The following NUP214 variants were observed in gnomAD, a reference collection of about 807,000 sequenced individuals.
NUP214 encodes the protein nucleoporin 214.
In NUP214, 79 loss-of-function variants were observed where a neutral mutation model predicts 196.2. The observed-to-expected ratio is 0.40, with a 90% CI of 0.34 to 0.49. The LOEUF is 0.49. Among genes scored for constraint, NUP214 ranks in the 20% least tolerant of loss-of-function variants. The probability of loss-of-function intolerance (pLI) is 0.58; values close to 1 mark genes in which losing one functional copy is unlikely to be tolerated. For synonymous variants in NUP214, 1,020 were observed against 990.5 expected, an observed-to-expected ratio of 1.03 and a Z score of -0.56; for missense variants, 2,468 against 2,539.0, an observed-to-expected ratio of 0.97 and a Z score of 0.60.
intron 30 of NUP214, among the ~76,000 whole-genome samples, chr9:131,206,826 G>T (rs1834101058): frequency 6.6e-6 from 1 of 152,168 alleles, no homozygotes; most frequent in Non-Finnish European, 1.5e-5. Flanking sequence ...TTGAGCCAAA[G>T]AAATAGAAAA....
At chr9:131,226,974 G>A (rs536329230) in intron 32 of NUP214, among the ~76,000 whole-genome samples, 5 of 152,254 alleles carry the variant, frequency 3.3e-5, no homozygotes, top group East Asian at 1.9e-4. Flanking sequence ...AAGGCTTGTC[G>A]CTAGGCCACC....
rs573926673 is a variant in NUP214 at position 131,143,430 on chromosome 9, G to GT, written c.1295-844dup. On this transcript the variant is annotated intron_variant, in intron 11 of 35. Coordinates refer to ENST00000359428, the MANE Select transcript of NUP214 (RefSeq NM_005085.4). ...GAAATTACTGGGTCTGTTTTTTACA[G>GT]TTTTTTATACAATGCCAAAATGTTT... is the stretch of plus-strand genomic sequence containing the variant. Among the ~76,000 whole-genome samples, 376 of 151,778 alleles carry GT rather than the reference G, an allele frequency of 2.5e-3. 3 individuals are homozygous for GT. The highest frequency in any genetic ancestry group is 8.7e-3 in the African/African-American group (360 of 41,374).
chr9:131,184,220 G>A (rs1433530272), intron 24 of NUP214, among the ~76,000 whole-genome samples: 1 of 150,998 alleles, frequency 6.6e-6, no homozygotes, highest in Non-Finnish European at 1.5e-5. Context: ...TAGTAGAGAC[G>A]GGGTTTAACC....
intron 13 of NUP214, among the ~76,000 whole-genome samples, chr9:131,147,202 G>A (rs1180646093): frequency 6.6e-6 from 1 of 151,512 alleles, no homozygotes; most frequent in South Asian, 2.1e-4. Context: ...TGCTCAGGCT[G>A]GTCTCAAACT....
At chr9:131,163,380 G>A in intron 19 of NUP214, 3 of 541,284 alleles carry the variant, frequency 5.5e-6, no homozygotes, top group East Asian at 6.2e-5. Flanking sequence ...TTGTTGGAGA[G>A]TTAAATTAAG....
intron 30 of NUP214, among the ~76,000 whole-genome samples, chr9:131,205,748 G>A (rs1462050375): frequency 6.6e-6 from 1 of 152,102 alleles, no homozygotes; most frequent in East Asian, 1.9e-4. Context: ...AGGCTGGAGT[G>A]TGGTGGCATG....
Position 131,174,289 on chromosome 9 carries a change from G to T in NUP214, c.3128G>T (p.Gly1043Val), listed in dbSNP as rs1180660422. Residue 1043 changes from glycine to valine, a missense_variant, in exon 22 of 36, where the codon GGT (glycine) becomes GTT (valine). This residue lies in a region of NUP214 where 1,801 missense variants were observed against 1,779.4 expected (regional missense o/e 1.01). Transcript: ENST00000359428. ...TTTGCTAAATCTCACCTGGTTCATG[G>T]TTCTTCACCTGGTGTGATGGGAACT... ...APFAKSHLVH[G>V]SSPGVMGTSV... 6.2e-7 allele frequency: 1 copy of T among 1,613,498 alleles called. No individual in the cohort carries two copies. The highest frequency in any genetic ancestry group is 8.5e-7 in the Non-Finnish European group (1 of 1,179,876).
At chr9:131,223,045 A>T in intron 32 of NUP214, 115 bp downstream of exon 32, 2 of 903,296 alleles carry the variant, frequency 2.2e-6, no homozygotes, top group Non-Finnish European at 3.2e-6. Flanking sequence ...ATTGGAGTAA[A>T]GAAGTTAACT....
At position 131,125,677 on chromosome 9, in the gene NUP214, G is replaced by A. The variant is rs149597527; in HGVS notation, c.-28G>A. On this transcript the variant is annotated 5_prime_UTR_variant, in exon 1 of 36. Coordinates refer to ENST00000359428, the MANE Select transcript of NUP214 (RefSeq NM_005085.4). The surrounding 1 kb of genome is among the most constrained non-coding windows in gnomAD (Gnocchi z 4.1). ...GGCAAGGCCGTGGGAGGCAGCGTTGGCTGCTTCGACACACTGAGGGCGGCG... is the reference window on the plus strand; with the variant it reads ...GGCAAGGCCGTGGGAGGCAGCGTTGACTGCTTCGACACACTGAGGGCGGCG... 290 of 1,548,200 alleles carry A rather than the reference G, an allele frequency of 1.9e-4. No homozygotes were observed. In the African/African-American group the frequency reaches 3.7e-3, roughly 20 times the overall value.
chr9:131,133,042 C>G (rs928928084), intron 6 of NUP214, 64 bp from the exon 7 acceptor site: 37 of 1,216,868 alleles, frequency 3.0e-5, no homozygotes, highest in Non-Finnish European at 3.9e-5. Flanking sequence ...CAAACATAAG[C>G]TGCTTTTTCT....
chr9:131,132,485 G>C, intron 5 of NUP214, 111 bp from the exon 6 acceptor site: 1 of 910,668 alleles, frequency 1.1e-6, no homozygotes, highest in Admixed American at 1.9e-5. Flanking sequence ...GTCTCTCCCG[G>C]CCAAGGAGAT....
At position 131,125,636 on chromosome 9, in the gene NUP214, C is replaced by T. The variant is rs565895078; in HGVS notation, c.-69C>T. On this transcript the variant is annotated 5_prime_UTR_variant, in exon 1 of 36. Transcript: ENST00000359428. The surrounding 1 kb of genome is among the most constrained non-coding windows in gnomAD (Gnocchi z 4.1). ...TGAGGGGAGGAAGTTTGCTGTCGAG[C>T]GGCCTGGGTTCCGTGGGCAAGGCCG... 9 of 1,546,774 alleles carry T rather than the reference C, an allele frequency of 5.8e-6. No homozygotes were observed. In the Admixed American group the frequency reaches 1.2e-4, roughly 20 times the overall value.
intron 24 of NUP214, among the ~76,000 whole-genome samples, chr9:131,179,287 C>G (rs1327064): frequency 0.28 from 42,485 of 152,086 alleles, 6,006 homozygotes; most frequent in East Asian, 0.42. Context: ...TAGGCAGGAG[C>G]CACTGTGCCC....
At position 131,146,254 on chromosome 9, in the gene NUP214, C is replaced by T. The variant is rs2133498786; in HGVS notation, c.1895C>T (p.Ala632Val). 1 of 1,614,200 alleles carries T rather than the reference C, an allele frequency of 6.2e-7. No homozygotes were observed. The highest frequency in any genetic ancestry group is 8.5e-7 in the Non-Finnish European group (1 of 1,180,024). Residue 632 changes from alanine (A) to valine (V), a missense_variant, in exon 13 of 36, where the codon GCA becomes GTA. Physicochemically the swap from Ala to Val is moderately conservative, Grantham distance 64. Around this residue, in one of 5 missense-constraint regions of NUP214, gnomAD observed 1,801 missense variants for 1,779.4 expected, o/e 1.01. Coordinates refer to ENST00000359428, the MANE Select transcript of NUP214 (RefSeq NM_005085.4). The surrounding 1 kb of genome is among the most constrained non-coding windows in gnomAD (Gnocchi z 4.6). ...CTCAGCCACCCCACACCTCTCTCAG[C>T]ACCACCTAGTTCCGTGCCATTGAAG... Reference protein sequence around the residue: ...GPLSHPTPLSAPPSSVPLKSS... With the variant: ...GPLSHPTPLSVPPSSVPLKSS...
At chr9:131,192,463 G>A (rs1369066092) in intron 27 of NUP214, 171 bp downstream of exon 27, 2 of 445,632 alleles carry the variant, frequency 4.5e-6, no homozygotes, top group Non-Finnish European at 3.9e-6. Context: ...CATGTAAATC[G>A]ATTTTCCCTT....
At position 131,168,794 on chromosome 9, in the gene NUP214, G is replaced by C. The variant is rs879260555; in HGVS notation, c.2893+4650G>C. Among the ~76,000 whole-genome samples, 11 of 151,872 alleles carry C rather than the reference G, an allele frequency of 7.2e-5. 1 individual carries two copies. The highest frequency in any genetic ancestry group is 7.2e-4 in the Admixed American group (11 of 15,258). ...GCTCATGTGTCATTTTTTTGTGTTT[G>C]GATATCTGCTTGTCCTAACACTATT... On this transcript the variant is annotated intron_variant, in intron 21 of 35. Transcript: ENST00000359428.
intron 28 of NUP214, 54 bp from the exon 29 acceptor site, chr9:131,197,162 A>G: frequency 1.9e-6 from 3 of 1,585,340 alleles, no homozygotes; most frequent in Non-Finnish European, 2.6e-6. Context: ...TGGAAATGTA[A>G]TGGGTCATCT....
chr9:131,146,020 G>A lies in NUP214; in HGVS notation c.1770-109G>A, dbSNP rs974601456. The A allele has an allele frequency of 7.7e-6, 8 of 1,038,724 alleles. No homozygotes were observed. The African/African-American group carries it at 1.1e-4, about 14-fold the overall frequency. 64.3% of individuals were successfully genotyped at this position (1,038,724 alleles called of 1,614,324 possible). On this transcript the variant is annotated intron_variant, in intron 12 of 35. Transcript: ENST00000359428. This position sits in a 1 kb window ranked among gnomAD's most constrained non-coding sequence, Gnocchi z 4.6. ...TGAAGGCAAAAAGTATGTTATCTTT[G>A]TAAGTTAACATAAAAGATAATAAGT...
At position 131,164,087 on chromosome 9, in the gene NUP214, C is replaced by A. The variant is rs768135179; in HGVS notation, c.2836C>A (p.Gln946Lys). The A allele has an allele frequency of 4.3e-5, 69 of 1,613,966 alleles. No homozygotes were observed. The highest frequency in any genetic ancestry group is 1.6e-4 in the Middle Eastern group (1 of 6,084). Residue 946 changes from glutamine to lysine, a missense_variant, in exon 21 of 36, where the codon CAA (glutamine) becomes AAA (lysine). Physicochemically the swap from Gln to Lys is moderately conservative, Grantham distance 53. Coordinates refer to ENST00000359428, the MANE Select transcript of NUP214 (RefSeq NM_005085.4). ...PAKLSPMKQAQLRNFLAKRKT... is the reference protein window; with the variant it reads ...PAKLSPMKQAKLRNFLAKRKT... ...CAAACTGTCCCCCATGAAACAGGCACAACTGAGAAACTTCTTGGCCAAGAG... is the reference window on the plus strand; with the variant it reads ...CAAACTGTCCCCCATGAAACAGGCAAAACTGAGAAACTTCTTGGCCAAGAG...
Sources: gnomAD v4.1 joint callset for allele counts (sites outside exome capture counted in the v4.1 genomes callset) on GRCh38, gnomAD v4.1.1 for gene constraint, gnomAD v4.1.1 regional missense constraint, Gnocchi (gnomAD v3.1) non-coding constraint, MANE v1.5 for transcripts, NCBI Gene and HGNC (gene_info 2026-07-23, HGNC 2026-07-21) for gene names.